Variants in RIMKLB observed in about 807,000 individuals in gnomAD.
RIMKLB encodes ribosomal modification protein rimK like family member B, also known as beta-citrylglutamate synthase B.
RIMKLB carries 7 observed loss-of-function variants against 32.0 expected under a neutral mutation model. The ratio of observed to expected loss-of-function variants is 0.22; its 90% CI spans 0.12 to 0.41. The LOEUF (loss-of-function observed/expected upper bound fraction) is 0.41. Among genes scored for constraint, RIMKLB ranks in the 10% least tolerant of loss-of-function variants. RIMKLB has a pLI of 1.00. For synonymous variants in RIMKLB, 172 were observed against 185.1 expected (o/e 0.93, Z 0.57); for missense variants, 289 against 498.7 (o/e 0.58, Z 4.00).
At chr12:8,777,215 CTTTTTTTTTTT>C (rs35828763), downstream of RIMKLB, 306 of 703,912 alleles carry the variant, frequency 4.3e-4, no homozygotes, top group East Asian at 4.0e-3. Flanking sequence ...TGCTTGCTTT[CTTTTTTTTTTT>C]TTTTTTTTTT....
chr12:8,763,882 G>A (rs146536909), intron 5 of RIMKLB, among the ~76,000 whole-genome samples: 5 of 152,262 alleles, frequency 3.3e-5, no homozygotes, highest in African/African-American at 1.2e-4. Flanking sequence ...TGGGTTTGAA[G>A]GATCTTCAAA....
At chr12:8,763,760 A>G (rs1205867845) in intron 5 of RIMKLB, among the ~76,000 whole-genome samples, 1 of 152,232 alleles carries the variant, frequency 6.6e-6, no homozygotes, top group African/African-American at 2.4e-5. Context: ...CCGAAGGACA[A>G]GAGTGTCCTT....
chr12:8,749,220 T>G (rs1351884897), intron 2 of RIMKLB, among the ~76,000 whole-genome samples: 1 of 121,290 alleles, frequency 8.2e-6, no homozygotes, highest in Non-Finnish European at 1.6e-5. Flanking sequence ...ACCACTTAGA[T>G]TTTTTTTTTT....
chr12:8,733,909 T>A (rs2137347959), intron 2 of RIMKLB, among the ~76,000 whole-genome samples: 1 of 152,188 alleles, frequency 6.6e-6, no homozygotes, highest in Non-Finnish European at 1.5e-5. Context: ...GTTAGATTGA[T>A]CGATTGATTT....
chr12:8,763,294 A>G (rs1362827283), intron 5 of RIMKLB, among the ~76,000 whole-genome samples: 2 of 152,110 alleles, frequency 1.3e-5, no homozygotes, highest in Admixed American at 1.3e-4. Context: ...TTTCTGTTAC[A>G]TGTAAAGAAA....
chr12:8,682,582 C>T (rs1345694825), intron 1 of RIMKLB, among the ~76,000 whole-genome samples: 2 of 151,806 alleles, frequency 1.3e-5, no homozygotes, highest in East Asian at 3.9e-4. Context: ...ACCATCCTGG[C>T]TAACACGGTG....
At position 8,700,526 on chromosome 12, in the gene RIMKLB, A is replaced by C. The variant is rs764800808; in HGVS notation, c.-57+2229A>C. On this transcript the variant is annotated intron_variant, in intron 1 of 5. Transcript: ENST00000535829. Reference sequence around the variant, plus strand: ...CTTCCTCTGGGGAGCAGGCATAGAGACATAAACTGAGTGAAAATGGGTGGA... The same window carrying C: ...CTTCCTCTGGGGAGCAGGCATAGAGCCATAAACTGAGTGAAAATGGGTGGA... 6 of 152,362 alleles carry C rather than the reference A, an allele frequency of 3.9e-5. 1 individual carries two copies. The East Asian group carries it at 1.2e-3, about 29-fold the overall frequency. The allele number at this position is 152,362 out of a possible 1,614,324, so 9.4% of individuals were successfully genotyped here. A position where few individuals can be genotyped will look rare whatever the true frequency, so the allele number is the denominator to read the frequency against.
chr12:8,670,437 G>T, the RIMKLB span, among the ~76,000 whole-genome samples: 1 of 152,194 alleles, frequency 6.6e-6, no homozygotes, highest in Non-Finnish European at 1.5e-5. Flanking sequence ...CAGGGCCCAT[G>T]CAAGTCCAAA....
At chr12:8,674,067 A>G in the RIMKLB span, among the ~76,000 whole-genome samples, 1 of 152,026 alleles carries the variant, frequency 6.6e-6, no homozygotes, top group Admixed American at 6.5e-5. Context: ...TTTACTGGGA[A>G]GAGTGGCAAA....
rs780682229 is a variant in RIMKLB, at chr12:8,773,626, C to G, written c.1003C>G (p.Pro335Ala). The change falls in exon 6 of 6, where the codon CCC becomes GCC. Residue 335 changes from proline to alanine, a missense_variant. Physicochemically the swap from Pro to Ala is conservative, Grantham distance 27 (BLOSUM62 -1). Around this residue, in one of 3 missense-constraint regions of RIMKLB, gnomAD observed 99 missense variants for 133.9 expected, o/e 0.74. Transcript: ENST00000535829. ...TGAGACTAGTGAGCCGGAGCTGGGTCCCCCAGCCAGCACTGCTGTTGACAA... is the reference window on the plus strand; with the variant it reads ...TGAGACTAGTGAGCCGGAGCTGGGTGCCCCAGCCAGCACTGCTGTTGACAA... Reference protein sequence around the residue: ...ASETSEPELGPPASTAVDNMS... With the variant: ...ASETSEPELGAPASTAVDNMS... 13 of 1,614,108 alleles carry G rather than the reference C, an allele frequency of 8.1e-6. No individual in the cohort carries two copies. In the African/African-American group the frequency reaches 9.3e-5, roughly 12 times the overall value.
chr12:8,774,126 A>G lies in RIMKLB; in HGVS notation c.*342A>G, dbSNP rs1278374693. ...TCCCTTGCTTTTGTTTTTGTACAAA[A>G]AAAAATGGTTTTGCTACAAATATCC... On this transcript the variant is annotated 3_prime_UTR_variant, in exon 6 of 6. Transcript: ENST00000535829. 10 of 1,027,110 alleles carry G rather than the reference A, an allele frequency of 9.7e-6. No homozygotes were observed. The highest frequency in any genetic ancestry group is 1.2e-5 in the Non-Finnish European group (10 of 855,954). 63.6% of individuals were successfully genotyped at this position (1,027,110 alleles called of 1,614,324 possible).
At chr12:8,674,926 C>T in the RIMKLB span, among the ~76,000 whole-genome samples, 12 of 144,752 alleles carry the variant, frequency 8.3e-5, no homozygotes, top group South Asian at 4.3e-4. Flanking sequence ...TGCAATGGCA[C>T]GATCTTGGCT....
chr12:8,730,407 G>A (rs967403062), intron 2 of RIMKLB, among the ~76,000 whole-genome samples: 14 of 152,130 alleles, frequency 9.2e-5, no homozygotes, highest in African/African-American at 3.4e-4. Flanking sequence ...GCTTTTAGAT[G>A]TCTTAATTTC....
downstream of RIMKLB, among the ~76,000 whole-genome samples, chr12:8,778,157 G>GGT (rs1950842053): frequency 6.6e-6 from 1 of 151,990 alleles, no homozygotes. Context: ...CTTTTTCAGG[G>GGT]GTTGGTGTTC....
intron 2 of RIMKLB, among the ~76,000 whole-genome samples, chr12:8,749,240 C>G (rs749955370): frequency 7.0e-6 from 1 of 143,318 alleles, no homozygotes; most frequent in African/African-American, 2.6e-5. Flanking sequence ...TTTTTTGAGT[C>G]TCTCTGTGTC....
chr12:8,716,322 A>C lies in RIMKLB; in HGVS notation c.175+2281A>C, dbSNP rs772480055. Among the ~76,000 whole-genome samples the C allele has an allele frequency of 9.2e-5, 14 of 152,118 alleles. No individual in the cohort carries two copies. In the South Asian group the frequency reaches 2.9e-3, roughly 32 times the overall value. ...AGTGGCATTTCTGTGCCATTCTATC[A>C]CAGTGGAACTTGCTTTTTTCCATCA... is the stretch of plus-strand genomic sequence containing the variant. On this transcript the variant is annotated intron_variant, in intron 2 of 5. Coordinates refer to ENST00000535829, the MANE Select transcript of RIMKLB (RefSeq NM_001297776.2).
chr12:8,777,215 CTT>C (rs35828763), downstream of RIMKLB: 7,821 of 699,682 alleles, frequency 0.011, 42 homozygotes, highest in African/African-American at 0.16. Flanking sequence ...TGCTTGCTTT[CTT>C]TTTTTTTTTT....
Position 8,773,533 on chromosome 12 carries a change from G to A in RIMKLB, c.910G>A (p.Ala304Thr), listed in dbSNP as rs181443607. 2.9e-5 allele frequency: 47 copies of A among 1,614,188 alleles called. No homozygotes were observed. Among genetic ancestry groups the A allele is most frequent in the South Asian group, 9.9e-5 (9 of 91,086 alleles). The change falls in exon 6 of 6, where the codon GCC (alanine) becomes ACC (threonine). Residue 304 changes from alanine (A) to threonine (T), a missense_variant. Coordinates refer to ENST00000535829, the MANE Select transcript of RIMKLB (RefSeq NM_001297776.2). ...AGCTGGTATCATAGCAGACTATGCC[G>A]CCTCCCTTCTACCCTCTGGCCGGCT... ...DVAGIIADYA[A>T]SLLPSGRLTR...
chr12:8,702,187 C>G (rs1454897631), intron 1 of RIMKLB, among the ~76,000 whole-genome samples: 1 of 152,180 alleles, frequency 6.6e-6, no homozygotes, highest in African/African-American at 2.4e-5. Context: ...GGGATAACAT[C>G]AGGGAATAAA....
Sources: gnomAD v4.1 joint callset for allele counts (sites outside exome capture counted in the v4.1 genomes callset) on GRCh38, gnomAD v4.1.1 for gene constraint, gnomAD v4.1.1 regional missense constraint, MANE v1.5 for transcripts, NCBI Gene and HGNC (gene_info 2026-07-23, HGNC 2026-07-21) for gene names.